GPC5: variants seen among roughly 807,000 people sequenced by gnomAD.
The protein encoded by GPC5 is glypican 5, also known as glypican-5.
In GPC5, 47 loss-of-function variants were observed where a neutral mutation model predicts 53.9. The ratio of observed to expected loss-of-function variants is 0.87; its 90% CI spans 0.69 to 1.11. GPC5 has a LOEUF of 1.11. Ranked by LOEUF, GPC5 falls within the 50% of genes most tolerant of loss-of-function variation. GPC5 has a pLI of 0.00. For missense variants in GPC5, 748 were observed against 713.1 expected (o/e 1.05, Z -0.56); for synonymous variants, 286 against 263.3 (o/e 1.09, Z -0.84).
chr13:92,865,829 A>C (rs907143195), intron 7 of GPC5, among the ~76,000 whole-genome samples: 1 of 152,172 alleles, frequency 6.6e-6, no homozygotes, highest in Non-Finnish European at 1.5e-5. Context: ...ACTTTATTCT[A>C]ATGTAAAATA....
At chr13:92,337,798 C>T (rs887429771) in intron 7 of GPC5, among the ~76,000 whole-genome samples, 15 of 152,202 alleles carry the variant, frequency 9.9e-5, no homozygotes, top group Admixed American at 2.6e-4. Flanking sequence ...ACACCCTTCA[C>T]AAAAATTTGC....
At chr13:91,825,937 A>G (rs1362844297) in intron 5 of GPC5, among the ~76,000 whole-genome samples, 2 of 152,100 alleles carry the variant, frequency 1.3e-5, no homozygotes, top group Non-Finnish European at 2.9e-5. Context: ...ACATTCTGAA[A>G]CAACATAACA....
At chr13:91,537,001 T>C (rs1886621532) in intron 2 of GPC5, among the ~76,000 whole-genome samples, 1 of 152,062 alleles carries the variant, frequency 6.6e-6, no homozygotes, top group Admixed American at 6.6e-5. Flanking sequence ...TTGCGAAGAA[T>C]AAAAGTGAAA....
At chr13:91,794,612 A>C (rs2138757202) in intron 5 of GPC5, among the ~76,000 whole-genome samples, 1 of 152,334 alleles carries the variant, frequency 6.6e-6, no homozygotes, top group East Asian at 1.9e-4. Context: ...ATCCTATTCT[A>C]TCAATTTGCT....
At chr13:91,665,572 G>A (rs770825294) in intron 2 of GPC5, among the ~76,000 whole-genome samples, 9 of 150,052 alleles carry the variant, frequency 6.0e-5, no homozygotes, top group Non-Finnish European at 1.3e-4. Flanking sequence ...GCGCCATCTC[G>A]GCTCACTGCA....
intron 5 of GPC5, among the ~76,000 whole-genome samples, chr13:91,869,902 C>T (rs992989411): frequency 6.6e-6 from 1 of 152,126 alleles, no homozygotes; most frequent in African/African-American, 2.4e-5. Flanking sequence ...AACTCACTGT[C>T]ATGAGAACAG....
At chr13:92,132,347 C>A (rs2041751130) in intron 6 of GPC5, among the ~76,000 whole-genome samples, 1 of 152,128 alleles carries the variant, frequency 6.6e-6, no homozygotes, top group Admixed American at 6.6e-5. Flanking sequence ...TTTGTGGGAG[C>A]TATTCTCCAG....
chr13:91,589,295 TC>T, intron 2 of GPC5, among the ~76,000 whole-genome samples: 1 of 152,214 alleles, frequency 6.6e-6, no homozygotes, highest in South Asian at 2.1e-4. Context: ...TTGGGTTTCC[TC>T]CTTTGCCTTT....
chr13:92,006,279 T>A (rs1484900299), intron 6 of GPC5, among the ~76,000 whole-genome samples: 1 of 152,162 alleles, frequency 6.6e-6, no homozygotes, highest in Non-Finnish European at 1.5e-5. Context: ...AGTGGATAAA[T>A]GACAGCTAAA....
intron 7 of GPC5, among the ~76,000 whole-genome samples, chr13:92,780,489 T>G (rs920053445): frequency 6.6e-6 from 1 of 152,030 alleles, no homozygotes; most frequent in African/African-American, 2.4e-5. Flanking sequence ...TGATAATTTC[T>G]AGTTTACTTT....
At chr13:92,067,958 T>C (rs1280887097) in intron 6 of GPC5, among the ~76,000 whole-genome samples, 3 of 151,974 alleles carry the variant, frequency 2.0e-5, no homozygotes, top group Non-Finnish European at 4.4e-5. Flanking sequence ...ATTGCAACTC[T>C]AAAAATAAGC....
chr13:91,466,852 A>G (rs1566424837), intron 2 of GPC5, among the ~76,000 whole-genome samples: 1 of 152,102 alleles, frequency 6.6e-6, no homozygotes, highest in Non-Finnish European at 1.5e-5. Flanking sequence ...TGAAAATTCT[A>G]TTCAACTCTA....
chr13:92,771,579 G>T (rs191228871), intron 7 of GPC5, among the ~76,000 whole-genome samples: 11 of 152,078 alleles, frequency 7.2e-5, no homozygotes, highest in Non-Finnish European at 1.0e-4. Flanking sequence ...TCCTGACCTC[G>T]TGATCCACCT....
At chr13:91,444,443 C>T (rs957724136) in intron 1 of GPC5, among the ~76,000 whole-genome samples, 38 of 152,016 alleles carry the variant, frequency 2.5e-4, no homozygotes, top group Non-Finnish European at 4.9e-4. Flanking sequence ...CTCTGAGTAT[C>T]GACCTCAATA....
chr13:91,664,108 G>T (rs1182216754), intron 2 of GPC5, among the ~76,000 whole-genome samples: 2 of 152,230 alleles, frequency 1.3e-5, no homozygotes, highest in Non-Finnish European at 2.9e-5. Flanking sequence ...TGGATGTCTT[G>T]ATATCAGAGA....
intron 6 of GPC5, among the ~76,000 whole-genome samples, chr13:91,957,340 C>A (rs1010581166): frequency 2.0e-5 from 3 of 152,074 alleles, no homozygotes; most frequent in East Asian, 3.9e-4. Context: ...CATAAAGCAA[C>A]CAAATATTCA....
chr13:91,875,647 G>A (rs969393205), intron 5 of GPC5, among the ~76,000 whole-genome samples: 1 of 151,492 alleles, frequency 6.6e-6, no homozygotes, highest in African/African-American at 2.4e-5. Context: ...CTTCTTTATT[G>A]TTTCTTGCAA....
chr13:92,600,941 T>A (rs946091717), intron 7 of GPC5, among the ~76,000 whole-genome samples: 2 of 152,146 alleles, frequency 1.3e-5, no homozygotes, highest in African/African-American at 4.8e-5. Context: ...CATGATTTTA[T>A]CTCTTTATCC....
intron 5 of GPC5, among the ~76,000 whole-genome samples, chr13:91,830,890 A>T (rs1186478365): frequency 7.9e-6 from 1 of 126,862 alleles, no homozygotes; most frequent in Non-Finnish European, 1.6e-5. Context: ...ATTATATATA[A>T]TATATATATC....
Sources: gnomAD v4.1 joint callset for allele counts (sites outside exome capture counted in the v4.1 genomes callset) on GRCh38, gnomAD v4.1.1 for gene constraint, MANE v1.5 for transcripts, NCBI Gene and HGNC (gene_info 2026-07-23, HGNC 2026-07-21) for gene names.